The following RAI14 variants were observed in gnomAD, a reference collection of about 807,000 sequenced individuals.
RAI14 encodes the protein retinoic acid induced 14.
In RAI14, 45 loss-of-function variants were observed where a neutral mutation model predicts 115.4. The ratio of observed to expected loss-of-function variants is 0.39; its 90% confidence interval spans 0.31 to 0.50. RAI14 has a LOEUF of 0.50. Among genes scored for constraint, RAI14 ranks in the 20% least tolerant of loss-of-function variants. The pLI is 0.85. For synonymous variants in RAI14, 371 were observed against 415.4 expected (o/e 0.89, Z 1.30); for missense variants, 939 against 1,131.2 (o/e 0.83, Z 2.44).
At chr5:34,794,570 C>T (rs766838298) in intron 3 of RAI14, among the ~76,000 whole-genome samples, 3 of 152,096 alleles carry the variant, frequency 2.0e-5, no homozygotes, top group Admixed American at 6.6e-5. Context: ...GAAATAGTTG[C>T]GTGAGTAGAG....
At chr5:34,711,310 G>C (rs973353257) in intron 2 of RAI14, among the ~76,000 whole-genome samples, 1 of 151,042 alleles carries the variant, frequency 6.6e-6, no homozygotes, top group South Asian at 2.1e-4. Flanking sequence ...TTGCCGGCAG[G>C]GGGTGGATCT....
At chr5:34,720,632 G>T (rs539205591) in intron 2 of RAI14, among the ~76,000 whole-genome samples, 1 of 151,790 alleles carries the variant, frequency 6.6e-6, no homozygotes, top group South Asian at 2.1e-4. Context: ...GGGTGGTCTC[G>T]ATCTCCTGAC....
chr5:34,758,525 T>C (rs1280304339), intron 3 of RAI14, among the ~76,000 whole-genome samples: 1 of 151,934 alleles, frequency 6.6e-6, no homozygotes, highest in African/African-American at 2.4e-5. Context: ...ATTTTTAAGG[T>C]GTGTTATTGA....
intron 2 of RAI14, among the ~76,000 whole-genome samples, chr5:34,751,734 A>G (rs979564610): frequency 2.6e-5 from 4 of 152,176 alleles, no homozygotes; most frequent in Non-Finnish European, 4.4e-5. Flanking sequence ...GCTTTCGTTG[A>G]CATTCTAATG....
chr5:34,762,973 G>GTGTA (rs1485638504), intron 3 of RAI14, among the ~76,000 whole-genome samples: 1 of 122,342 alleles, frequency 8.2e-6, no homozygotes, highest in Non-Finnish European at 1.6e-5. Context: ...GTGTGTGTGT[G>GTGTA]TGTATGTGTC....
intron 1 of RAI14, among the ~76,000 whole-genome samples, chr5:34,671,556 T>C: frequency 6.6e-6 from 1 of 152,234 alleles, no homozygotes; most frequent in East Asian, 1.9e-4. Context: ...AAAATCTTAA[T>C]CATTACTGTC....
At chr5:34,724,309 C>T (rs1362775964) in intron 2 of RAI14, among the ~76,000 whole-genome samples, 1 of 152,168 alleles carries the variant, frequency 6.6e-6, no homozygotes, top group African/African-American at 2.4e-5. Flanking sequence ...AGCCACCACA[C>T]CCGGCCTAGT....
chr5:34,824,713 G>T (rs1485613297), intron 15 of RAI14, among the ~76,000 whole-genome samples: 3 of 152,026 alleles, frequency 2.0e-5, no homozygotes, highest in African/African-American at 7.2e-5. Context: ...GGAGGCCGAG[G>T]TGGGTGGATC....
intron 16 of RAI14, among the ~76,000 whole-genome samples, chr5:34,828,138 TA>T (rs1757633751): frequency 6.6e-6 from 1 of 152,038 alleles, no homozygotes; most frequent in Admixed American, 6.5e-5. Context: ...AGTAGATAGG[TA>T]TCTGGTGGGG....
At chr5:34,814,471 C>T (rs1755951201) in intron 11 of RAI14, 112 bp from the exon 12 acceptor site, 2 of 732,224 alleles carry the variant, frequency 2.7e-6, no homozygotes, top group South Asian at 3.4e-5. Context: ...GCCAAGGATA[C>T]TTACTGTTAG....
chr5:34,719,450 C>T (rs1742397237), intron 2 of RAI14, among the ~76,000 whole-genome samples: 1 of 152,182 alleles, frequency 6.6e-6, no homozygotes, highest in South Asian at 2.1e-4. Context: ...TAGATTATGC[C>T]TCTTGATGCA....
intron 3 of RAI14, among the ~76,000 whole-genome samples, chr5:34,769,371 T>C (rs957947779): frequency 6.6e-6 from 1 of 152,130 alleles, no homozygotes; most frequent in African/African-American, 2.4e-5. Context: ...AGAATTTAGT[T>C]TTTCAAGGCT....
rs572048161 is a variant in RAI14, at chr5:34,690,106, T to C, written c.36+3151T>C. On this transcript the variant is annotated intron_variant, in intron 2 of 17. Transcript: ENST00000265109. The stretch of plus-strand genomic sequence containing the variant: ...GAAGAGAGGCTTGTTTTTCAATGTA[T>C]GCCTTTGATTTTGAAGTTTTTGATA... 6.6e-5 allele frequency among the ~76,000 whole-genome samples: 10 copies of C among 152,316 alleles called. No homozygotes were observed. The South Asian group carries it at 2.1e-3, about 32-fold the overall frequency.
chr5:34,668,245 T>C (rs1434307391), intron 1 of RAI14, among the ~76,000 whole-genome samples: 3 of 151,958 alleles, frequency 2.0e-5, no homozygotes, highest in Non-Finnish European at 4.4e-5. Context: ...AATACAAAAA[T>C]TAGCTGGGCA....
At chr5:34,793,511 T>C (rs757993790) in intron 3 of RAI14, among the ~76,000 whole-genome samples, 4 of 130,768 alleles carry the variant, frequency 3.1e-5, no homozygotes, top group Non-Finnish European at 7.2e-5. Context: ...TTGGGGTCTC[T>C]GACCACATTC....
chr5:34,787,196 A>T (rs986851181), intron 3 of RAI14, among the ~76,000 whole-genome samples: 1 of 152,198 alleles, frequency 6.6e-6, no homozygotes, highest in African/African-American at 2.4e-5. Flanking sequence ...GGGCCAGTTT[A>T]TGGCCAGATT....
chr5:34,656,625 T>G (rs900281183), intron 1 of RAI14, 150 bp downstream of exon 1: 18 of 152,196 alleles, frequency 1.2e-4, no homozygotes, highest in African/African-American at 4.4e-4. Context: ...TCCCGCCACC[T>G]CTCCCTGGTC....
chr5:34,680,862 C>A (rs773678729), intron 1 of RAI14, among the ~76,000 whole-genome samples: 44 of 152,104 alleles, frequency 2.9e-4, no homozygotes, highest in Non-Finnish European at 5.9e-4. Flanking sequence ...TTATTCATAT[C>A]CTCAGTTAGT....
chr5:34,762,104 T>A (rs1369289035), intron 3 of RAI14, among the ~76,000 whole-genome samples: 3 of 152,224 alleles, frequency 2.0e-5, no homozygotes, highest in Non-Finnish European at 4.4e-5. Flanking sequence ...AAGGAGGCCT[T>A]CATTTGGGAT....
Sources: allele counts gnomAD v4.1 joint callset (sites outside exome capture counted in the v4.1 genomes callset), GRCh38; gene constraint gnomAD v4.1.1; transcripts MANE v1.5; gene names NCBI Gene and HGNC (gene_info 2026-07-23, HGNC 2026-07-21).